CDH13: variants seen among roughly 807,000 people sequenced by gnomAD.
CDH13 encodes the protein cadherin 13.
A neutral mutation model predicts 63.8 loss-of-function variants in CDH13; 24 were observed. The ratio of observed to expected loss-of-function variants is 0.38; its 90% CI spans 0.27 to 0.53. The LOEUF is 0.53. Ranked by LOEUF, CDH13 falls within the 20% of genes least tolerant of loss-of-function variation. CDH13 has a pLI of 0.85. For missense variants in CDH13, 1,049 were observed against 903.1 expected (o/e 1.16, Z -2.07); for synonymous variants, 503 against 355.3 (o/e 1.42, Z -4.67).
intron 10 of CDH13, among the ~76,000 whole-genome samples, chr16:83,704,798 A>T (rs1376055004): frequency 6.6e-6 from 1 of 152,258 alleles, no homozygotes; most frequent in Non-Finnish European, 1.5e-5. Context: ...ATTTTTTCCC[A>T]GTAACTTAAT....
chr16:83,088,988 GT>G (rs201785904), intron 3 of CDH13, among the ~76,000 whole-genome samples: 4,605 of 152,242 alleles, frequency 0.03, 254 homozygotes, highest in African/African-American at 0.1. Context: ...GCAGAATTGA[GT>G]AGTTGCAATA....
At chr16:83,736,695 A>T (rs1320949661) in intron 10 of CDH13, among the ~76,000 whole-genome samples, 2 of 152,054 alleles carry the variant, frequency 1.3e-5, no homozygotes, top group Non-Finnish European at 2.9e-5. Context: ...TATGTCAATC[A>T]CCCCTGGAAA....
chr16:82,753,387 A>T (rs1245807721), intron 1 of CDH13, among the ~76,000 whole-genome samples: 1 of 151,950 alleles, frequency 6.6e-6, no homozygotes, highest in East Asian at 1.9e-4. Context: ...CTTCCCCTTA[A>T]CCCCTAACTG....
At chr16:83,654,290 G>C (rs1354940568) in intron 8 of CDH13, among the ~76,000 whole-genome samples, 1 of 152,014 alleles carries the variant, frequency 6.6e-6, no homozygotes, top group Non-Finnish European at 1.5e-5. Context: ...ACATCTATAA[G>C]CATGTCTGGG....
At chr16:83,044,262 T>C (rs558852047) in intron 3 of CDH13, among the ~76,000 whole-genome samples, 1 of 152,368 alleles carries the variant, frequency 6.6e-6, no homozygotes, top group Admixed American at 6.5e-5. Context: ...CTGGGCCTTC[T>C]GATTTTGTGG....
chr16:83,368,848 T>C (rs1403677322), intron 6 of CDH13, among the ~76,000 whole-genome samples: 8 of 127,176 alleles, frequency 6.3e-5, no homozygotes, highest in Admixed American at 1.6e-4. Context: ...TACCATTATT[T>C]CATTCTTTTT....
At chr16:82,772,816 C>G (rs990594852) in intron 1 of CDH13, among the ~76,000 whole-genome samples, 2 of 152,208 alleles carry the variant, frequency 1.3e-5, no homozygotes, top group African/African-American at 4.8e-5. Context: ...CCCATTCAAT[C>G]TGACTCCAAA....
chr16:82,965,706 T>G (rs1414159369), intron 2 of CDH13, among the ~76,000 whole-genome samples: 1 of 152,192 alleles, frequency 6.6e-6, no homozygotes, highest in Non-Finnish European at 1.5e-5. Flanking sequence ...TTGGCCAGGC[T>G]GGTCTCAAAC....
intron 7 of CDH13, among the ~76,000 whole-genome samples, chr16:83,540,150 C>T (rs931140949): frequency 2.4e-4 from 36 of 151,430 alleles, no homozygotes; most frequent in Admixed American, 1.3e-3. Flanking sequence ...CTTCAATCTC[C>T]GCCTCCCAGG....
intron 5 of CDH13, among the ~76,000 whole-genome samples, chr16:83,232,251 A>T (rs2040020209): frequency 8.2e-6 from 1 of 121,524 alleles, no homozygotes; most frequent in Admixed American, 9.6e-5. Context: ...AAGGCTGGGC[A>T]CGGTGGCTCA....
intron 3 of CDH13, among the ~76,000 whole-genome samples, chr16:83,100,137 G>T (rs912952005): frequency 6.6e-6 from 1 of 152,052 alleles, no homozygotes; most frequent in Non-Finnish European, 1.5e-5. Flanking sequence ...GACACACCAG[G>T]TGCCAAGGAC....
chr16:83,501,014 T>G (rs931305064), intron 7 of CDH13, among the ~76,000 whole-genome samples: 1 of 152,206 alleles, frequency 6.6e-6, no homozygotes, highest in Non-Finnish European at 1.5e-5. Flanking sequence ...TGTATTAAGG[T>G]AAGTCTTGTC....
At chr16:83,346,011 G>T (rs1163732779) in intron 6 of CDH13, among the ~76,000 whole-genome samples, 1 of 152,140 alleles carries the variant, frequency 6.6e-6, no homozygotes, top group Non-Finnish European at 1.5e-5. Context: ...AGACAACCAG[G>T]TGGATAATTG....
intron 9 of CDH13, among the ~76,000 whole-genome samples, chr16:83,674,834 G>T (rs147370204): frequency 8.3e-4 from 126 of 152,322 alleles, no homozygotes; most frequent in African/African-American, 3.0e-3. Flanking sequence ...TATTCTTTCA[G>T]CTGAATATAA....
At chr16:82,860,819 A>G (rs973522894) in intron 2 of CDH13, among the ~76,000 whole-genome samples, 1 of 152,226 alleles carries the variant, frequency 6.6e-6, no homozygotes, top group African/African-American at 2.4e-5. Flanking sequence ...CTGGATTTCT[A>G]GAAGTAGTAG....
At chr16:83,084,118 G>A (rs1465567636) in intron 3 of CDH13, among the ~76,000 whole-genome samples, 2 of 152,190 alleles carry the variant, frequency 1.3e-5, no homozygotes, top group African/African-American at 4.8e-5. Flanking sequence ...CAATTTGGAT[G>A]TTATAGGTAG....
chr16:82,768,953 A>G (rs1241922505), intron 1 of CDH13, among the ~76,000 whole-genome samples: 1 of 152,212 alleles, frequency 6.6e-6, no homozygotes, highest in African/African-American at 2.4e-5. Flanking sequence ...CTGGGCACAA[A>G]TGTTCAAGAA....
At chr16:83,494,187 G>A (rs2074083267) in intron 7 of CDH13, among the ~76,000 whole-genome samples, 1 of 152,126 alleles carries the variant, frequency 6.6e-6, no homozygotes, top group Admixed American at 6.5e-5. Flanking sequence ...GCAGAGTGAT[G>A]ATGAATTTAG....
At position 83,126,890 on chromosome 16, in the gene CDH13, A is replaced by G. The variant is rs1026933103; in HGVS notation, c.483+1389A>G. On this transcript the variant is annotated intron_variant, in intron 4 of 13. Coordinates refer to ENST00000567109, the MANE Select transcript of CDH13 (RefSeq NM_001257.5). Reference sequence around the variant, plus strand: ...CTAGTGGGAAGACAGAAACAAGAACATTGCAGAGTATGACAAATGCTGTGA... The same window carrying G: ...CTAGTGGGAAGACAGAAACAAGAACGTTGCAGAGTATGACAAATGCTGTGA... 6.6e-5 allele frequency among the ~76,000 whole-genome samples: 10 copies of G among 152,330 alleles called. No homozygotes were observed. The East Asian group carries it at 9.7e-4, about 15-fold the overall frequency.
Sources: gnomAD v4.1 joint callset for allele counts (sites outside exome capture counted in the v4.1 genomes callset) on GRCh38, gnomAD v4.1.1 for gene constraint, MANE v1.5 for transcripts, NCBI Gene and HGNC (gene_info 2026-07-23, HGNC 2026-07-21) for gene names.